The following DIP2C variants were observed in gnomAD, a reference collection of about 807,000 sequenced individuals.
DIP2C encodes DIP2 acetate--CoA ligase C (putative).
In DIP2C, 33 loss-of-function variants were observed where a neutral mutation model predicts 192.4. The observed-to-expected ratio is 0.17, with a 90% CI of 0.13 to 0.23. The LOEUF (loss-of-function observed/expected upper bound fraction) is 0.23. Among genes scored for constraint, DIP2C ranks in the 10% least tolerant of loss-of-function variants. DIP2C has a pLI of 1.00. For missense variants in DIP2C, 1,537 were observed against 2,110.1 expected (o/e 0.73, Z 5.32); for synonymous variants, 979 against 864.1 (o/e 1.13, Z -2.33).
intron 29 of DIP2C, among the ~76,000 whole-genome samples, chr10:335,791 G>A (rs571476538): frequency 2.7e-4 from 41 of 152,168 alleles, no homozygotes; most frequent in Non-Finnish European, 4.3e-4. Flanking sequence ...TAACTATTTC[G>A]TGGATGGCTA....
intron 3 of DIP2C, among the ~76,000 whole-genome samples, chr10:461,151 A>G (rs1000051781): frequency 2.6e-5 from 4 of 152,244 alleles, no homozygotes; most frequent in Admixed American, 6.5e-5. Context: ...ACTAATGGGC[A>G]AAATAACCAG....
At chr10:546,341 C>CA (rs1848286763) in intron 1 of DIP2C, among the ~76,000 whole-genome samples, 1 of 149,430 alleles carries the variant, frequency 6.7e-6, no homozygotes, top group Non-Finnish European at 1.5e-5. Context: ...TGTTAATAAA[C>CA]AGCACAGTCT....
chr10:572,418 T>G (rs1292586663), intron 1 of DIP2C, among the ~76,000 whole-genome samples: 1 of 152,208 alleles, frequency 6.6e-6, no homozygotes, highest in African/African-American at 2.4e-5. Flanking sequence ...GGGTCCCCAT[T>G]CCAGCCAGCA....
chr10:563,903 A>C (rs1849336489), intron 1 of DIP2C, among the ~76,000 whole-genome samples: 1 of 151,882 alleles, frequency 6.6e-6, no homozygotes, highest in African/African-American at 2.4e-5. Flanking sequence ...TTAATGTGTC[A>C]AAAATCCCAA....
At chr10:434,665 G>A (rs1184112547) in intron 4 of DIP2C, among the ~76,000 whole-genome samples, 1 of 152,124 alleles carries the variant, frequency 6.6e-6, no homozygotes, top group Non-Finnish European at 1.5e-5. Flanking sequence ...CAGGTCTACT[G>A]GCAACAAATT....
chr10:448,124 T>G (rs1195076399), intron 3 of DIP2C, among the ~76,000 whole-genome samples: 239 of 86,518 alleles, frequency 2.8e-3, no homozygotes, highest in African/African-American at 0.013. Context: ...CATCCCCATC[T>G]ATACTCAGGA....
At chr10:377,559 GTT>G (rs906988021) in intron 17 of DIP2C, among the ~76,000 whole-genome samples, 35 of 152,202 alleles carry the variant, frequency 2.3e-4, no homozygotes, top group African/African-American at 7.7e-4. Flanking sequence ...AAATGACACA[GTT>G]TATCTTGCGT....
intron 1 of DIP2C, among the ~76,000 whole-genome samples, chr10:510,633 A>G (rs535926375): frequency 6.6e-6 from 1 of 152,244 alleles, no homozygotes; most frequent in African/African-American, 2.4e-5. Flanking sequence ...AATGGGGATA[A>G]GCTGAACAAA....
intron 36 of DIP2C, among the ~76,000 whole-genome samples, chr10:278,586 A>ACT (rs1328155374): frequency 1.3e-5 from 2 of 152,068 alleles, no homozygotes; most frequent in Non-Finnish European, 1.5e-5. Flanking sequence ...CATTGTAACA[A>ACT]CTCTCTCTAA....
Position 450,892 on chromosome 10 carries a change from C to G in DIP2C, c.269-9896G>C, listed in dbSNP as rs72772897. Reference sequence around the variant, plus strand: ...AAATAGCACAAAAGCCAGGTTGGTTCTGTCACTTACACACACACAGACATG... The same window carrying G: ...AAATAGCACAAAAGCCAGGTTGGTTGTGTCACTTACACACACACAGACATG... On this transcript the variant is annotated intron_variant, in intron 3 of 36. Coordinates refer to ENST00000280886, the MANE Select transcript of DIP2C (RefSeq NM_014974.3). Among the ~76,000 whole-genome samples the G allele has an allele frequency of 2.9e-3, 442 of 152,356 alleles. 2 individuals are homozygous for G. The highest frequency in any genetic ancestry group is 6.2e-3 in the East Asian group (32 of 5,184).
At chr10:398,915 A>G (rs1249046231) in intron 10 of DIP2C, among the ~76,000 whole-genome samples, 194 bp downstream of exon 10, 2 of 152,130 alleles carry the variant, frequency 1.3e-5, no homozygotes, top group Non-Finnish European at 2.9e-5. Flanking sequence ...TTTGACCCCA[A>G]AGCAAGCTGT....
chr10:662,174 T>C (rs143366207), intron 1 of DIP2C: 2 of 713,950 alleles, frequency 2.8e-6, no homozygotes, highest in East Asian at 2.7e-5. Context: ...GATAGGCACA[T>C]GCATATTTTA....
intron 30 of DIP2C, among the ~76,000 whole-genome samples, chr10:328,841 T>A (rs980868585): frequency 6.6e-6 from 1 of 152,218 alleles, no homozygotes; most frequent in Admixed American, 6.5e-5. Flanking sequence ...GATTATTCCC[T>A]CCTAGTTACT....
At chr10:659,937 A>C (rs551031585) in intron 1 of DIP2C, among the ~76,000 whole-genome samples, 1 of 152,356 alleles carries the variant, frequency 6.6e-6, no homozygotes, top group African/African-American at 2.4e-5. Flanking sequence ...TCAAAATGGA[A>C]GGCAAAGAAA....
intron 3 of DIP2C, among the ~76,000 whole-genome samples, chr10:451,077 C>T (rs752088789): frequency 2.0e-5 from 3 of 152,194 alleles, no homozygotes; most frequent in Non-Finnish European, 2.9e-5. Flanking sequence ...CCGGGCTGTG[C>T]TCCCCAGCCC....
chr10:369,765 C>A, intron 17 of DIP2C, 132 bp from the exon 18 acceptor site: 1 of 1,496,200 alleles, frequency 6.7e-7, no homozygotes. Flanking sequence ...ACAGTGCTGG[C>A]TGCCCATGTG....
In DIP2C at chr10:307,948, C is replaced by A. The variant is rs1261621143; in HGVS notation, c.3986+2083G>T. ...GCTTTGGGGGTGCCTGGGCGGGGCC[C>A]GGCACACGGTCCATCTGGAGGGCAG... On this transcript the variant is annotated intron_variant, in intron 32 of 36. Transcript: ENST00000280886. Among the ~76,000 whole-genome samples, 4 of 150,358 alleles carry A rather than the reference C, an allele frequency of 2.7e-5. No homozygotes were observed. The South Asian group carries it at 8.4e-4, about 32-fold the overall frequency.
chr10:384,349 T>C (rs1276252598), intron 15 of DIP2C, among the ~76,000 whole-genome samples, 197 bp downstream of exon 15: 1 of 138,488 alleles, frequency 7.2e-6, no homozygotes. Flanking sequence ...AGATTTCTCC[T>C]GCCTCAACCT....
intron 10 of DIP2C, among the ~76,000 whole-genome samples, chr10:392,330 T>A (rs1458448848): frequency 1.3e-5 from 2 of 152,158 alleles, no homozygotes; most frequent in Non-Finnish European, 2.9e-5. Flanking sequence ...GGCCAGTCGC[T>A]CATGGCTGTG....
Sources: allele counts gnomAD v4.1 joint callset (sites outside exome capture counted in the v4.1 genomes callset), GRCh38; gene constraint gnomAD v4.1.1; transcripts MANE v1.5; gene names NCBI Gene and HGNC (gene_info 2026-07-23, HGNC 2026-07-21).